LPP: variants seen among roughly 807,000 people sequenced by gnomAD.
The protein encoded by LPP is LIM domain containing preferred translocation partner in lipoma, also known as lipoma-preferred partner.
In LPP, 38 loss-of-function variants were observed where a neutral mutation model predicts 60.4. That is an observed-to-expected ratio of 0.63 (90% CI 0.49 to 0.83). LPP has a LOEUF of 0.83. Among genes scored for constraint, LPP ranks in the 40% least tolerant of loss-of-function variants. The probability of loss-of-function intolerance (pLI) is 0.00; values close to 1 mark genes in which losing one functional copy is unlikely to be tolerated. For synonymous variants in LPP, 328 were observed against 290.8 expected (o/e 1.13, Z -1.30); for missense variants, 902 against 783.6 (o/e 1.15, Z -1.80).
At chr3:188,510,702 A>G (rs1815200841) in intron 5 of LPP, among the ~76,000 whole-genome samples, 1 of 152,042 alleles carries the variant, frequency 6.6e-6, no homozygotes, top group African/African-American at 2.4e-5. Flanking sequence ...GTCTGCTCTT[A>G]CTCTATTTTT....
chr3:188,651,433 A>ATAGACGGGCAAGGG (rs1421587077), intron 7 of LPP, among the ~76,000 whole-genome samples: 3 of 152,364 alleles, frequency 2.0e-5, no homozygotes, highest in African/African-American at 7.2e-5. Flanking sequence ...TGAACTCATG[A>ATAGACGGGCAAGGG]TAGACGGGCA....
intron 7 of LPP, among the ~76,000 whole-genome samples, chr3:188,613,192 T>C (rs1190974938): frequency 6.6e-6 from 1 of 151,110 alleles, no homozygotes; most frequent in Admixed American, 6.6e-5. Flanking sequence ...TAAAAGCTAA[T>C]GTCAGCTACA....
chr3:188,250,724 CTCTTTCTTTCTTTCTT>C (rs768358623), intron 2 of LPP, among the ~76,000 whole-genome samples: 3,414 of 118,566 alleles, frequency 0.029, 61 homozygotes, highest in East Asian at 0.056. Context: ...CTTTCTTTCT[CTCTTTCTTTCTTTCTT>C]TCTTTCTTTC....
At chr3:188,442,178 G>A (rs1269662597) in intron 4 of LPP, among the ~76,000 whole-genome samples, 1 of 152,052 alleles carries the variant, frequency 6.6e-6, no homozygotes, top group Non-Finnish European at 1.5e-5. Context: ...CAACGTGCAG[G>A]TTTGTTACAT....
At chr3:188,308,604 G>A (rs1244229303) in intron 2 of LPP, among the ~76,000 whole-genome samples, 2 of 152,160 alleles carry the variant, frequency 1.3e-5, no homozygotes, top group Non-Finnish European at 2.9e-5. Flanking sequence ...TCAAGTATGC[G>A]CTGGTTGTCA....
chr3:188,752,859 A>T (rs1429653223), intron 8 of LPP, among the ~76,000 whole-genome samples: 1 of 152,194 alleles, frequency 6.6e-6, no homozygotes, highest in Non-Finnish European at 1.5e-5. Context: ...GCTAGAGTTG[A>T]AGGGTCAACA....
At chr3:188,634,152 T>C (rs1340378391) in intron 7 of LPP, among the ~76,000 whole-genome samples, 1 of 152,252 alleles carries the variant, frequency 6.6e-6, no homozygotes, top group Non-Finnish European at 1.5e-5. Context: ...CAAAGCTCTC[T>C]TTCTTTTCGT....
intron 3 of LPP, among the ~76,000 whole-genome samples, chr3:188,388,756 T>C (rs946424563): frequency 1.3e-5 from 2 of 152,236 alleles, no homozygotes; most frequent in Non-Finnish European, 2.9e-5. Context: ...AAATTTGTTA[T>C]ATCTGTAGTA....
intron 4 of LPP, among the ~76,000 whole-genome samples, chr3:188,450,163 G>T (rs1321386055): frequency 6.6e-6 from 1 of 152,140 alleles, no homozygotes. Context: ...TATTATTCGT[G>T]TGAGTTAGAT....
chr3:188,391,169 C>T (rs1366835610), intron 3 of LPP, among the ~76,000 whole-genome samples: 1 of 152,164 alleles, frequency 6.6e-6, no homozygotes, highest in Non-Finnish European at 1.5e-5. Context: ...ATCTAGCCCC[C>T]TGGGTTAGAA....
At chr3:188,378,417 C>T (rs567301348) in intron 3 of LPP, among the ~76,000 whole-genome samples, 37 of 152,298 alleles carry the variant, frequency 2.4e-4, no homozygotes, top group African/African-American at 7.5e-4. Context: ...CAATGGCAGG[C>T]GCCCCTCCCC....
intron 7 of LPP, among the ~76,000 whole-genome samples, chr3:188,656,288 C>A (rs1853199478): frequency 6.6e-6 from 1 of 151,856 alleles, no homozygotes; most frequent in South Asian, 2.1e-4. Context: ...AGGAAGGGTT[C>A]TGAAGACAAA....
chr3:188,235,968 T>A (rs1721757110), intron 2 of LPP, among the ~76,000 whole-genome samples: 1 of 152,160 alleles, frequency 6.6e-6, no homozygotes, highest in Admixed American at 6.6e-5. Context: ...AAGTCCCATG[T>A]CATCTAGTAT....
intron 8 of LPP, among the ~76,000 whole-genome samples, chr3:188,745,795 TAG>T (rs1214811751): frequency 7.9e-5 from 12 of 152,164 alleles, no homozygotes; most frequent in Admixed American, 6.6e-4. Flanking sequence ...TGGGGATCAA[TAG>T]AGCAGGATCC....
At chr3:188,490,026 C>T (rs1298635859) in intron 5 of LPP, among the ~76,000 whole-genome samples, 1 of 152,144 alleles carries the variant, frequency 6.6e-6, no homozygotes, top group Non-Finnish European at 1.5e-5. Flanking sequence ...GGGTTTTGTC[C>T]ATTGGTGATT....
At chr3:188,716,378 G>A (rs918086145) in intron 8 of LPP, among the ~76,000 whole-genome samples, 4 of 152,190 alleles carry the variant, frequency 2.6e-5, no homozygotes, top group African/African-American at 9.6e-5. Flanking sequence ...CAATTAAGAT[G>A]AAAATGGAGG....
At chr3:188,751,777 G>T (rs979223308) in intron 8 of LPP, among the ~76,000 whole-genome samples, 2 of 152,122 alleles carry the variant, frequency 1.3e-5, no homozygotes, top group Non-Finnish European at 2.9e-5. Context: ...AGTTGTTGGG[G>T]TGACTACATG....
chr3:188,708,532 C>G (rs1402804163), intron 8 of LPP, 139 bp downstream of exon 8: 8 of 1,135,680 alleles, frequency 7.0e-6, no homozygotes, highest in Non-Finnish European at 7.8e-6. Context: ...CCCCGCACAA[C>G]TAAGTAATTG....
chr3:188,350,567 A>C (rs1357931421), intron 3 of LPP, among the ~76,000 whole-genome samples: 1 of 152,172 alleles, frequency 6.6e-6, no homozygotes, highest in African/African-American at 2.4e-5. Context: ...AGCTTTGAAC[A>C]AGATAGTTCT....
Sources: gnomAD v4.1 joint callset for allele counts (sites outside exome capture counted in the v4.1 genomes callset) on GRCh38, gnomAD v4.1.1 for gene constraint, MANE v1.5 for transcripts, NCBI Gene and HGNC (gene_info 2026-07-23, HGNC 2026-07-21) for gene names.